The following HSD17B13 variants were observed in gnomAD, a reference collection of about 807,000 sequenced individuals.
HSD17B13 encodes the protein hydroxysteroid 17-beta dehydrogenase 13.
A neutral mutation model predicts 31.1 loss-of-function variants in HSD17B13; 26 were observed. The observed-to-expected ratio is 0.84, with a 90% CI of 0.61 to 1.16. HSD17B13 has a LOEUF of 1.16. Among genes scored for constraint, HSD17B13 ranks in the 50% most tolerant of loss-of-function variants. HSD17B13 has a pLI of 0.00. For missense variants in HSD17B13, 374 were observed against 366.5 expected (o/e 1.02, Z -0.17); for synonymous variants, 141 against 133.7 (o/e 1.05, Z -0.38).
intron 2 of HSD17B13, 25 bp downstream of exon 2, chr4:87,318,304 G>T: frequency 1.3e-6 from 2 of 1,538,654 alleles, no homozygotes; most frequent in Non-Finnish European, 1.8e-6. Flanking sequence ...ATAATCTGAA[G>T]AAATTTGTGA....
At chr4:87,322,270 T>G (rs989141041) in intron 1 of HSD17B13, among the ~76,000 whole-genome samples, 2 of 152,198 alleles carry the variant, frequency 1.3e-5, no homozygotes, top group African/African-American at 4.8e-5. Context: ...CGTTTGACTT[T>G]TGTTTGTAGC....
At chr4:87,313,680 A>C in intron 5 of HSD17B13, 143 bp downstream of exon 5, 1 of 660,880 alleles carries the variant, frequency 1.5e-6, no homozygotes, top group Non-Finnish European at 2.4e-6. Context: ...TATTCCTTTA[A>C]TTTCAAGATA....
intron 3 of HSD17B13, among the ~76,000 whole-genome samples, chr4:87,316,408 TA>T (rs753068104): frequency 1.3e-4 from 20 of 152,154 alleles, no homozygotes; most frequent in Non-Finnish European, 2.6e-4. Context: ...CTGGTAAAGG[TA>T]AGGGGGACAC....
chr4:87,317,602 T>A (rs1162078958), intron 2 of HSD17B13, among the ~76,000 whole-genome samples: 1 of 125,142 alleles, frequency 8.0e-6, no homozygotes, highest in African/African-American at 3.5e-5. Flanking sequence ...AGAGATAGGG[T>A]CTCACTATGT....
rs1734455024 is a variant in HSD17B13 at position 87,308,894 on chromosome 4, A to G, written c.812+1349T>C. On this transcript the variant is annotated intron_variant, in intron 6 of 6. Coordinates refer to ENST00000328546, the MANE Select transcript of HSD17B13 (RefSeq NM_178135.5). ...AAAGAAATTAAATTTGTAATTAAAA[A>G]CTTTCCCATAAAGAAAATTAGAGGC... Among the ~76,000 whole-genome samples, 5 of 143,922 alleles carry G rather than the reference A, an allele frequency of 3.5e-5. No homozygotes were observed. The South Asian group carries it at 1.1e-3, about 32-fold the overall frequency. The allele number at this position is 143,922 out of a possible 152,430, so 94.4% of individuals were successfully genotyped here.
At chr4:87,318,697 C>T (rs1734715024) in intron 1 of HSD17B13, among the ~76,000 whole-genome samples, 2 of 148,192 alleles carry the variant, frequency 1.3e-5, no homozygotes, top group Non-Finnish European at 3.0e-5. Flanking sequence ...ACTTGGGAGG[C>T]TGAGGCAGGA....
Position 87,310,260 on chromosome 4 carries a change from G to GGA in HSD17B13, c.794_795insTC (p.Phe266ProfsTer3), listed in dbSNP as rs1474079239. The GGA allele has an allele frequency of 1.9e-6, 3 of 1,570,076 alleles. No individual in the cohort carries two copies. The highest frequency in any genetic ancestry group is 2.6e-6 in the Non-Finnish European group (3 of 1,164,924). On this transcript the variant is annotated frameshift_variant, in exon 6 of 7. Coordinates refer to ENST00000328546, the MANE Select transcript of HSD17B13 (RefSeq NM_178135.5). LOFTEE classifies it low-confidence loss of function (END_TRUNC). ...GTACTTACTTCTGTAGTCTCAGAAA[G>GGA]ATATTGATATACGATGGAACAAAAA...
chr4:87,317,408 T>G (rs539697967), intron 2 of HSD17B13, among the ~76,000 whole-genome samples, 185 bp from the exon 3 acceptor site: 1 of 152,268 alleles, frequency 6.6e-6, no homozygotes, highest in East Asian at 1.9e-4. Flanking sequence ...TGGGATAAAC[T>G]GTTCTTTTAA....
At chr4:87,310,172 TAAAA>T in intron 6 of HSD17B13, 67 bp downstream of exon 6, 4 of 1,096,790 alleles carry the variant, frequency 3.6e-6, no homozygotes, top group Non-Finnish European at 3.6e-6. Context: ...AGACTCTGTC[TAAAA>T]AAAAAAAAAG....
chr4:87,313,396 A>T (rs977236741), intron 5 of HSD17B13, among the ~76,000 whole-genome samples: 1 of 152,192 alleles, frequency 6.6e-6, no homozygotes, highest in Non-Finnish European at 1.5e-5. Flanking sequence ...GTTCTTATCC[A>T]CACCTTCCTG....
At chr4:87,307,673 G>A (rs1000586617) in intron 6 of HSD17B13, among the ~76,000 whole-genome samples, 17 of 151,840 alleles carry the variant, frequency 1.1e-4, no homozygotes, top group African/African-American at 2.7e-4. Context: ...GCTAATTTTC[G>A]TATCTTTAGT....
chr4:87,311,056 A>G (rs1220667508), intron 5 of HSD17B13, among the ~76,000 whole-genome samples: 1 of 152,182 alleles, frequency 6.6e-6, no homozygotes, highest in Non-Finnish European at 1.5e-5. Flanking sequence ...ACTGCTCATT[A>G]TAAGCTAACT....
chr4:87,318,158 T>C (rs889297627), intron 2 of HSD17B13, among the ~76,000 whole-genome samples, 171 bp downstream of exon 2: 1 of 152,158 alleles, frequency 6.6e-6, no homozygotes, highest in African/African-American at 2.4e-5. Flanking sequence ...CAGAGCTGAG[T>C]GGATTACATA....
chr4:87,320,553 A>AT (rs796915832), intron 1 of HSD17B13, among the ~76,000 whole-genome samples: 8 of 151,734 alleles, frequency 5.3e-5, no homozygotes, highest in African/African-American at 1.4e-4. Flanking sequence ...CGCCTGGCTA[A>AT]TTTTTTTGTA....
intron 6 of HSD17B13, among the ~76,000 whole-genome samples, chr4:87,309,261 G>A (rs1334826795): frequency 6.6e-6 from 1 of 151,774 alleles, no homozygotes; most frequent in South Asian, 2.1e-4. Flanking sequence ...GCAGGTGCCT[G>A]TAATCCCAGC....
chr4:87,316,530 G>C (rs184439460), intron 3 of HSD17B13, among the ~76,000 whole-genome samples: 6 of 152,172 alleles, frequency 3.9e-5, no homozygotes, highest in Non-Finnish European at 8.8e-5. Flanking sequence ...GGCAGTTGAA[G>C]TTGATATTTC....
At chr4:87,312,950 T>C (rs992311807) in intron 5 of HSD17B13, among the ~76,000 whole-genome samples, 6 of 150,522 alleles carry the variant, frequency 4.0e-5, no homozygotes, top group Admixed American at 1.3e-4. Context: ...ATCCAAATAC[T>C]CAGGAGGCTG....
At chr4:87,308,853 T>G (rs943095409) in intron 6 of HSD17B13, among the ~76,000 whole-genome samples, 1 of 148,728 alleles carries the variant, frequency 6.7e-6, no homozygotes, top group Non-Finnish European at 1.5e-5. Context: ...GTAAATTGAA[T>G]AGCCATGTAG....
rs1038288617 is a variant in HSD17B13 at position 87,304,391 on chromosome 4, C to T, written c.*827G>A. 2 of 152,640 alleles carry T rather than the reference C, an allele frequency of 1.3e-5. No homozygotes were observed. The highest frequency in any genetic ancestry group is 4.8e-5 in the African/African-American group (2 of 41,426). 9.5% of individuals were successfully genotyped at this position (152,640 alleles called of 1,614,324 possible). A position where few individuals can be genotyped will look rare whatever the true frequency, so the allele number is the denominator to read the frequency against. ...TTTTCTTCTCTTGGGTCCATTGTTT[C>T]TTATGTAATAGCCAGTACAGTTCCT... On this transcript the variant is annotated 3_prime_UTR_variant, in exon 7 of 7. Transcript: ENST00000328546.
Sources: gnomAD v4.1 joint callset for allele counts (sites outside exome capture counted in the v4.1 genomes callset) on GRCh38, gnomAD v4.1.1 for gene constraint, MANE v1.5 for transcripts, NCBI Gene and HGNC (gene_info 2026-07-23, HGNC 2026-07-21) for gene names.